Variants in SLIT3 observed in about 807,000 individuals in gnomAD.
SLIT3 encodes the protein slit guidance ligand 3.
Under a neutral mutation model 184.0 loss-of-function variants are expected in SLIT3, and 68 were observed. The ratio of observed to expected loss-of-function variants is 0.37; its 90% CI spans 0.30 to 0.45. The LOEUF (loss-of-function observed/expected upper bound fraction) is 0.45, where lower values mean the gene tolerates loss of function less well. SLIT3 is among the 20% of genes least tolerant of loss of function. The pLI is 1.00. For synonymous variants in SLIT3, 831 were observed against 828.6 expected (o/e 1.00, Z -0.05); for missense variants, 1,707 against 2,026.0 (o/e 0.84, Z 3.02).
chr5:169,261,405 G>T (rs1486629302), intron 1 of SLIT3, among the ~76,000 whole-genome samples: 1 of 152,068 alleles, frequency 6.6e-6, no homozygotes, highest in African/African-American at 2.4e-5. Flanking sequence ...GGCTGTTAAA[G>T]CATGTTTCAA....
chr5:168,757,556 C>T (rs2113491291), intron 16 of SLIT3, among the ~76,000 whole-genome samples: 1 of 152,300 alleles, frequency 6.6e-6, no homozygotes, highest in Middle Eastern at 3.4e-3. Flanking sequence ...GCTTCAGCCC[C>T]CCGAGTAGCT....
chr5:168,775,002 C>G (rs1202271401), intron 12 of SLIT3, among the ~76,000 whole-genome samples: 1 of 151,888 alleles, frequency 6.6e-6, no homozygotes, highest in Non-Finnish European at 1.5e-5. Flanking sequence ...TAACCCCACT[C>G]ACCCCAAACT....
At chr5:168,970,027 A>T (rs1358123141) in intron 4 of SLIT3, among the ~76,000 whole-genome samples, 2 of 152,170 alleles carry the variant, frequency 1.3e-5, no homozygotes, top group Non-Finnish European at 2.9e-5. Flanking sequence ...TGAAAATACA[A>T]AAAATTAGCC....
intron 23 of SLIT3, among the ~76,000 whole-genome samples, chr5:168,719,574 T>G (rs1762872180): frequency 6.6e-6 from 1 of 152,270 alleles, no homozygotes; most frequent in African/African-American, 2.4e-5. Context: ...CTTTGCCTCT[T>G]TTAATAATTG....
chr5:168,795,461 G>A (rs1214210145), intron 10 of SLIT3, 46 bp downstream of exon 10: 6 of 1,472,886 alleles, frequency 4.1e-6, no homozygotes, highest in Non-Finnish European at 5.7e-6. Flanking sequence ...AAACAACCCT[G>A]GAAATTGAAA....
chr5:169,224,933 C>T (rs1764751366), intron 3 of SLIT3, among the ~76,000 whole-genome samples: 3 of 152,200 alleles, frequency 2.0e-5, no homozygotes, highest in Admixed American at 2.0e-4. Context: ...ATCCGCCCAT[C>T]TTGGCCTCCC....
chr5:169,062,088 A>G (rs1758190432), intron 4 of SLIT3, among the ~76,000 whole-genome samples: 1 of 152,116 alleles, frequency 6.6e-6, no homozygotes, highest in African/African-American at 2.4e-5. Context: ...GGAGGCTGAG[A>G]CAGGAGAATG....
Position 169,132,748 on chromosome 5 carries a change from C to T in SLIT3, c.413+60731G>A, listed in dbSNP as rs947727280. On this transcript the variant is annotated intron_variant, in intron 4 of 35. Transcript: ENST00000519560. Reference sequence around the variant, plus strand: ...CTAACCCCAAGTATACAAGGAAATACGGTGCACACCAAGAAGAAAGAATGA... The same window carrying T: ...CTAACCCCAAGTATACAAGGAAATATGGTGCACACCAAGAAGAAAGAATGA... Among the ~76,000 whole-genome samples, 16 of 152,182 alleles carry T rather than the reference C, an allele frequency of 1.1e-4. 1 individual carries two copies. In the South Asian group the frequency reaches 1.2e-3, roughly 12 times the overall value.
At chr5:169,235,210 CTA>C (rs1489817157) in intron 3 of SLIT3, among the ~76,000 whole-genome samples, 3 of 152,240 alleles carry the variant, frequency 2.0e-5, no homozygotes, top group Non-Finnish European at 4.4e-5. Context: ...CCCTTTATCT[CTA>C]TATTAATTTC....
At chr5:169,097,579 A>T (rs1450151812) in intron 4 of SLIT3, among the ~76,000 whole-genome samples, 1 of 152,148 alleles carries the variant, frequency 6.6e-6, no homozygotes, top group Non-Finnish European at 1.5e-5. Context: ...GAACTGTTAA[A>T]ACTATCAAAG....
At chr5:169,047,740 T>G (rs1757674268) in intron 4 of SLIT3, among the ~76,000 whole-genome samples, 1 of 152,148 alleles carries the variant, frequency 6.6e-6, no homozygotes, top group South Asian at 2.1e-4. Flanking sequence ...TTTCTTTTTT[T>G]GGCTGGGATA....
chr5:168,872,657 G>C (rs868150612), intron 5 of SLIT3, among the ~76,000 whole-genome samples: 2 of 26,312 alleles, frequency 7.6e-5, no homozygotes, highest in African/African-American at 3.3e-4. Context: ...TTTTTTTTTT[G>C]AGACAGAGTC....
At chr5:168,687,761 T>C (rs1370672535) in intron 29 of SLIT3, among the ~76,000 whole-genome samples, 1 of 152,210 alleles carries the variant, frequency 6.6e-6, no homozygotes, top group African/African-American at 2.4e-5. Context: ...ATATTCAACA[T>C]GACATGTAGA....
intron 4 of SLIT3, among the ~76,000 whole-genome samples, chr5:169,173,208 C>T (rs546357015): frequency 6.6e-6 from 1 of 152,134 alleles, no homozygotes; most frequent in Admixed American, 6.5e-5. Context: ...TTGCAGTGAG[C>T]CAAGATCGCG....
chr5:169,021,018 T>C (rs1374850740), intron 4 of SLIT3, among the ~76,000 whole-genome samples: 1 of 152,176 alleles, frequency 6.6e-6, no homozygotes, highest in African/African-American at 2.4e-5. Flanking sequence ...GTGTTCTGAA[T>C]AGAGTGTGAC....
intron 2 of SLIT3, among the ~76,000 whole-genome samples, chr5:169,250,131 T>C (rs867389463): frequency 2.2e-4 from 33 of 152,238 alleles, no homozygotes; most frequent in South Asian, 2.1e-4. Context: ...TCACCTGCTA[T>C]GTAGAGTTGG....
chr5:168,977,588 G>T (rs981038208), intron 4 of SLIT3, among the ~76,000 whole-genome samples: 6 of 152,166 alleles, frequency 3.9e-5, no homozygotes, highest in Non-Finnish European at 7.3e-5. Flanking sequence ...ACAAAAGACC[G>T]AGGGTAAGTG....
intron 4 of SLIT3, among the ~76,000 whole-genome samples, chr5:169,026,849 G>C (rs1248613908): frequency 6.6e-6 from 1 of 151,794 alleles, no homozygotes; most frequent in African/African-American, 2.4e-5. Context: ...GACTTTTCAA[G>C]AATAAAGGAT....
rs1216684021 is a variant in SLIT3, at chr5:168,907,963, T to G, written c.414-24627A>C. On this transcript the variant is annotated intron_variant, in intron 4 of 35. Coordinates refer to ENST00000519560, the MANE Select transcript of SLIT3 (RefSeq NM_003062.4). Reference sequence around the variant, plus strand: ...ATACGTGTATATATATATATATATATATATATATATATATATAGAGAGAGA... The same window carrying G: ...ATACGTGTATATATATATATATATAGATATATATATATATATAGAGAGAGA... Among the ~76,000 whole-genome samples the G allele has an allele frequency of 4.0e-3, 318 of 79,358 alleles. 3 individuals are homozygous for G. The highest frequency in any genetic ancestry group is 0.014 in the African/African-American group (305 of 21,646). The allele number at this position is 79,358 out of a possible 152,430, so 52.1% of individuals were successfully genotyped here. A position where few individuals can be genotyped will look rare whatever the true frequency, so the allele number is the denominator to read the frequency against.
Sources: gnomAD v4.1 joint callset for allele counts (sites outside exome capture counted in the v4.1 genomes callset) on GRCh38, gnomAD v4.1.1 for gene constraint, MANE v1.5 for transcripts, NCBI Gene and HGNC (gene_info 2026-07-23, HGNC 2026-07-21) for gene names.